Variants in NF2 observed in about 807,000 individuals in gnomAD.
The protein encoded by NF2 is merlin.
A neutral mutation model predicts 83.7 loss-of-function variants in NF2; 8 were observed. The ratio of observed to expected loss-of-function variants is 0.10; its 90% confidence interval spans 0.06 to 0.17. The LOEUF (loss-of-function observed/expected upper bound fraction) is 0.17. Ranked by LOEUF, NF2 falls within the 10% of genes least tolerant of loss-of-function variation. The pLI is 1.00. For missense variants in NF2, 533 were observed against 744.4 expected, an observed-to-expected ratio of 0.72 and a Z score of 3.31; for synonymous variants, 266 against 269.6, an observed-to-expected ratio of 0.99 and a Z score of 0.13.
Position 29,688,947 on chromosome 22 carries a change from G to A in NF2, c.1738-5805G>A, listed in dbSNP as rs183451874. On this transcript the variant is annotated intron_variant, in intron 15 of 15. Coordinates refer to ENST00000338641, the MANE Select transcript of NF2 (RefSeq NM_000268.4). ...TGTAATCCCAGCACTTTGGGAGGCC[G>A]AGGCAGGCGGATCACGAAGTCAAGA... Among the ~76,000 whole-genome samples the A allele has an allele frequency of 9.5e-3, 1,440 of 152,190 alleles. 21 individuals are homozygous for A. Among genetic ancestry groups the A allele is most frequent in the African/African-American group, 0.033 (1,368 of 41,530 alleles).
rs2067613904 is a variant in NF2, at chr22:29,698,433, G to A, written c.*3631G>A. On this transcript the variant is annotated 3_prime_UTR_variant, in exon 16 of 16. Transcript: ENST00000338641. ...CTGGGCCCAAGCCAGCCCCTCCAGG[G>A]CTTTCAGGGAAGCGCCATCCATTTT... is the stretch of plus-strand genomic sequence containing the variant. 1.4e-5 allele frequency: 3 copies of A among 220,784 alleles called. No homozygotes were observed. The highest frequency in any genetic ancestry group is 1.2e-4 in the Admixed American group (2 of 17,318). 13.7% of individuals were successfully genotyped at this position (220,784 alleles called of 1,614,324 possible).
chr22:29,643,395 G>C (rs1328049989), intron 4 of NF2, among the ~76,000 whole-genome samples: 2 of 151,944 alleles, frequency 1.3e-5, no homozygotes, highest in African/African-American at 4.8e-5. Context: ...AGATAAACAA[G>C]TGAACAAAGG....
intron 1 of NF2, among the ~76,000 whole-genome samples, chr22:29,607,692 A>C (rs780410411): frequency 1.3e-5 from 2 of 152,218 alleles, no homozygotes; most frequent in Non-Finnish European, 2.9e-5. Flanking sequence ...ACAAGGGGCC[A>C]AATTAATGAA....
intron 1 of NF2, among the ~76,000 whole-genome samples, chr22:29,611,971 A>G (rs2064962808): frequency 6.6e-6 from 1 of 152,224 alleles, no homozygotes; most frequent in African/African-American, 2.4e-5. Context: ...TATAAAACTT[A>G]TACTCTAAAA....
intron 15 of NF2, among the ~76,000 whole-genome samples, chr22:29,685,176 C>T (rs760940938): frequency 5.9e-5 from 9 of 151,846 alleles, no homozygotes; most frequent in East Asian, 3.8e-4. Context: ...GGTACATTCT[C>T]GGCTCACTGC....
chr22:29,671,740 C>G (rs2147069295), intron 10 of NF2, 86 bp from the exon 11 acceptor site: 1 of 1,593,122 alleles, frequency 6.3e-7, no homozygotes, highest in Non-Finnish European at 8.6e-7. Context: ...AAAGGGGAGA[C>G]TGGAGATGGG....
intron 1 of NF2, among the ~76,000 whole-genome samples, chr22:29,622,007 C>T (rs1601551074): frequency 1.3e-5 from 2 of 152,222 alleles, no homozygotes; most frequent in East Asian, 3.8e-4. Context: ...CAGGCCAGCC[C>T]TCTTTCCACT....
At position 29,673,410 on chromosome 22, in the gene NF2, G is replaced by A. The variant is rs2066864084; in HGVS notation, c.1264G>A (p.Glu422Lys). Residue 422 changes from glutamate (E) to lysine (K), a missense_variant, in exon 12 of 16, where the codon GAG (glutamate) becomes AAG (lysine). Glu to Lys is a moderately conservative substitution (Grantham distance 56). Coordinates refer to ENST00000338641, the MANE Select transcript of NF2 (RefSeq NM_000268.4). ...IKATAIRTEE[E>K]KRLMEQKVLE... is the part of the protein sequence containing the mutation. ...GGCCACAGCGATTCGCACGGAGGAG[G>A]AGAAGCGCCTGATGGAGCAGAAGGT... The A allele has an allele frequency of 3.1e-6, 5 of 1,612,680 alleles. No individual in the cohort carries two copies. The highest frequency in any genetic ancestry group is 1.7e-4 in the Middle Eastern group (1 of 6,060).
chr22:29,661,426 C>T (rs1258776170), intron 8 of NF2, 87 bp downstream of exon 8: 2 of 1,572,146 alleles, frequency 1.3e-6, no homozygotes, highest in East Asian at 2.2e-5. Flanking sequence ...AGGGCATCTC[C>T]TTGTTATTCA....
At chr22:29,672,779 CT>C (rs35006066) in intron 11 of NF2, among the ~76,000 whole-genome samples, 47,865 of 146,086 alleles carry the variant, frequency 0.33, 8,064 homozygotes, top group Non-Finnish European at 0.4. Context: ...ACACATCCAG[CT>C]TTTTTTTTTT....
In NF2 at chr22:29,642,337, G is replaced by C. The variant is rs769613418; in HGVS notation, c.447+52G>C. ...TTTCCTGGGCGTTAATTTGGGTCAT[G>C]GGATCACTCCTATCTTCTCTTTCTT... is the stretch of plus-strand genomic sequence containing the variant. On this transcript the variant is annotated intron_variant, in intron 4 of 15. Coordinates refer to ENST00000338641, the MANE Select transcript of NF2 (RefSeq NM_000268.4). 4.3e-6 allele frequency: 6 copies of C among 1,411,266 alleles called. No individual in the cohort carries two copies. In the African/African-American group the frequency reaches 7.0e-5, roughly 17 times the overall value. The allele number at this position is 1,411,266 out of a possible 1,614,324, so 87.4% of individuals were successfully genotyped here. A position where few individuals can be genotyped will look rare whatever the true frequency, so the allele number is the denominator to read the frequency against.
At chr22:29,672,781 T>C (rs8135737) in intron 11 of NF2, among the ~76,000 whole-genome samples, 1 of 81,398 alleles carries the variant, frequency 1.2e-5, no homozygotes, top group Non-Finnish European at 3.2e-5. Flanking sequence ...ACATCCAGCT[T>C]TTTTTTTTTT....
intron 1 of NF2, among the ~76,000 whole-genome samples, chr22:29,606,336 G>A (rs2064795995): frequency 1.3e-5 from 2 of 152,178 alleles, no homozygotes; most frequent in African/African-American, 4.8e-5. Context: ...GAAATTACTG[G>A]TGCCCCAATT....
chr22:29,649,539 GA>G (rs1378486063), intron 4 of NF2, among the ~76,000 whole-genome samples: 1 of 151,992 alleles, frequency 6.6e-6, no homozygotes, highest in Non-Finnish European at 1.5e-5. Context: ...CCTTTCTCCA[GA>G]AAAAGGCAAA....
intron 4 of NF2, among the ~76,000 whole-genome samples, chr22:29,650,387 T>C (rs562332671): frequency 6.6e-6 from 1 of 152,342 alleles, no homozygotes; most frequent in South Asian, 2.1e-4. Flanking sequence ...AGAAAAAGAT[T>C]TTTTAAAATT....
intron 4 of NF2, 54 bp downstream of exon 4, chr22:29,642,339 G>A: frequency 2.1e-6 from 3 of 1,395,866 alleles, no homozygotes; most frequent in Admixed American, 1.7e-5. Context: ...TGGGTCATGG[G>A]ATCACTCCTA....
At chr22:29,609,701 A>G (rs535836940) in intron 1 of NF2, among the ~76,000 whole-genome samples, 3 of 152,316 alleles carry the variant, frequency 2.0e-5, no homozygotes, top group South Asian at 4.1e-4. Context: ...CAGTGATGCA[A>G]TTTAATGATT....
rs2065650685 is a variant in NF2, at chr22:29,636,499, T to G, written c.115-252T>G. ...CCTAAATTAGCAGCTTTGGAGATGT[T>G]AAAATCCGTAAGGAACTGTCCAAGG... On this transcript the variant is annotated intron_variant, in intron 1 of 15. Coordinates refer to ENST00000338641, the MANE Select transcript of NF2 (RefSeq NM_000268.4). This position sits in a 1 kb window ranked among gnomAD's most constrained non-coding sequence, Gnocchi z 4.4. Among the ~76,000 whole-genome samples the G allele has an allele frequency of 6.6e-6, 1 of 152,206 alleles. No individual in the cohort carries two copies.
At chr22:29,637,017 A>G in intron 2 of NF2, 141 bp downstream of exon 2, 2 of 1,250,206 alleles carry the variant, frequency 1.6e-6, no homozygotes, top group South Asian at 1.2e-5. Flanking sequence ...TCATGCAGAA[A>G]GCAGGACGTA....
Sources: allele counts gnomAD v4.1 joint callset (sites outside exome capture counted in the v4.1 genomes callset), GRCh38; gene constraint gnomAD v4.1.1; non-coding constraint Gnocchi (gnomAD v3.1); transcripts MANE v1.5; gene names NCBI Gene and HGNC (gene_info 2026-07-23, HGNC 2026-07-21).